MAP4K3: variants seen among roughly 807,000 people sequenced by gnomAD.
MAP4K3 encodes the protein mitogen-activated protein kinase kinase kinase kinase 3, also known as MAPK/ERK kinase kinase kinase 3.
In MAP4K3, 94 loss-of-function variants were observed where a neutral mutation model predicts 143.5. The ratio of observed to expected loss-of-function variants is 0.65; its 90% CI spans 0.55 to 0.78. The LOEUF (loss-of-function observed/expected upper bound fraction) is 0.78. Ranked by LOEUF, MAP4K3 falls within the 30% of genes least tolerant of loss-of-function variation. MAP4K3 has a pLI of 0.00. For missense variants in MAP4K3, 1,077 were observed against 1,068.1 expected, an observed-to-expected ratio of 1.01 and a Z score of -0.12; for synonymous variants, 416 against 347.2, an observed-to-expected ratio of 1.20 and a Z score of -2.20.
chr2:39,286,649 C>G (rs2148472543), intron 21 of MAP4K3, among the ~76,000 whole-genome samples: 1 of 152,152 alleles, frequency 6.6e-6, no homozygotes, highest in African/African-American at 2.4e-5. Context: ...CGATAAAAAG[C>G]CATCATTCAA....
At chr2:39,404,421 G>A (rs899761965) in intron 1 of MAP4K3, among the ~76,000 whole-genome samples, 2 of 152,110 alleles carry the variant, frequency 1.3e-5, no homozygotes, top group African/African-American at 4.8e-5. Context: ...GGTCTTAAGT[G>A]AACATCAGCG....
chr2:39,295,607 T>C (rs1233237807), intron 16 of MAP4K3, among the ~76,000 whole-genome samples: 1 of 152,110 alleles, frequency 6.6e-6, no homozygotes, highest in African/African-American at 2.4e-5. Context: ...CATGACAATC[T>C]TTTTTGAGAT....
At chr2:39,278,576 T>G (rs1681376454) in intron 23 of MAP4K3, 90 bp from the exon 24 acceptor site, 1 of 700,838 alleles carries the variant, frequency 1.4e-6, no homozygotes. Context: ...AAATAAGTAT[T>G]AACATATAAA....
intron 26 of MAP4K3, 69 bp from the exon 27 acceptor site, chr2:39,267,316 T>C (rs192817419): frequency 1.4e-5 from 17 of 1,188,232 alleles, no homozygotes; most frequent in African/African-American, 1.0e-4. Flanking sequence ...GCTACTGTTA[T>C]AGATCAGTGC....
At chr2:39,292,965 T>C (rs1682112521) in intron 17 of MAP4K3, 139 bp from the exon 18 acceptor site, 1 of 764,992 alleles carries the variant, frequency 1.3e-6, no homozygotes, top group South Asian at 1.7e-5. Flanking sequence ...AGATTCAGAA[T>C]TAAAACAAGG....
intron 14 of MAP4K3, 89 bp downstream of exon 14, chr2:39,309,372 T>C (rs1026493720): frequency 6.6e-6 from 6 of 911,094 alleles, no homozygotes; most frequent in Non-Finnish European, 1.0e-5. Context: ...TATTAATGAC[T>C]AGCTTTTTTG....
intron 6 of MAP4K3, among the ~76,000 whole-genome samples, chr2:39,336,594 A>G (rs1196159246): frequency 1.3e-5 from 2 of 152,074 alleles, no homozygotes; most frequent in Non-Finnish European, 2.9e-5. Flanking sequence ...AAATAGTCAA[A>G]GCATAAAACT....
chr2:39,326,059 C>A, intron 9 of MAP4K3, 87 bp downstream of exon 9: 1 of 1,538,480 alleles, frequency 6.5e-7, no homozygotes, highest in Admixed American at 2.0e-5. Flanking sequence ...TAAGGTAAAA[C>A]AAGACTAAGA....
intron 31 of MAP4K3, among the ~76,000 whole-genome samples, chr2:39,254,996 A>G (rs1411770857): frequency 1.3e-5 from 2 of 152,226 alleles, no homozygotes; most frequent in African/African-American, 4.8e-5. Flanking sequence ...TGCTTTAAAT[A>G]AAAACAAATA....
chr2:39,338,604 T>A (rs967755564), intron 4 of MAP4K3, among the ~76,000 whole-genome samples: 2 of 152,214 alleles, frequency 1.3e-5, no homozygotes, highest in Admixed American at 1.3e-4. Context: ...CACCTTTACA[T>A]CAATATATAG....
chr2:39,338,836 G>C (rs1000534161), intron 4 of MAP4K3, among the ~76,000 whole-genome samples: 10 of 152,156 alleles, frequency 6.6e-5, no homozygotes, highest in African/African-American at 2.4e-4. Flanking sequence ...GACACAGTGT[G>C]TGTGCACTCT....
At chr2:39,389,017 A>C (rs1666582265) in intron 1 of MAP4K3, among the ~76,000 whole-genome samples, 1 of 152,218 alleles carries the variant, frequency 6.6e-6, no homozygotes, top group African/African-American at 2.4e-5. Flanking sequence ...TTAGGAATTA[A>C]AAGATATATA....
At chr2:39,371,485 A>C (rs944332030) in intron 2 of MAP4K3, among the ~76,000 whole-genome samples, 4 of 152,166 alleles carry the variant, frequency 2.6e-5, no homozygotes, top group Non-Finnish European at 4.4e-5. Context: ...ATACACGTTG[A>C]ATTTCCCTAA....
intron 4 of MAP4K3, among the ~76,000 whole-genome samples, chr2:39,343,041 T>C (rs1459710402): frequency 6.6e-6 from 1 of 152,176 alleles, no homozygotes; most frequent in Non-Finnish European, 1.5e-5. Context: ...GCAAAATAAA[T>C]TATCTTTGTA....
chr2:39,309,037 A>G (rs986410857), intron 14 of MAP4K3, among the ~76,000 whole-genome samples: 8 of 152,206 alleles, frequency 5.3e-5, no homozygotes, highest in Non-Finnish European at 1.0e-4. Context: ...CTCTTAAAAT[A>G]ATTTTGAAAA....
At chr2:39,301,605 T>C (rs1682513436) in intron 15 of MAP4K3, among the ~76,000 whole-genome samples, 1 of 152,224 alleles carries the variant, frequency 6.6e-6, no homozygotes, top group Admixed American at 6.5e-5. Flanking sequence ...GCCATGGCTC[T>C]TCTGTTATAC....
rs1274212092 is a variant in MAP4K3 at position 39,254,513 on chromosome 2, T to C, written c.2478A>G (p.Leu826=). ...TCCAGAAAGCTAGCACACTGTCTTGTAGGCACACTAGCAGGCAAGAACAGC... is the reference window on the plus strand; with the variant it reads ...TCCAGAAAGCTAGCACACTGTCTTGCAGGCACACTAGCAGGCAAGAACAGC... The part of the protein sequence containing the change: ...FDFQIESIVC[L]QDSVLAFWKH... Residue 826 remains leucine, a synonymous_variant, in exon 32 of 34, where the codon CTA becomes CTG. Coordinates refer to ENST00000263881, the MANE Select transcript of MAP4K3 (RefSeq NM_003618.4). 3.7e-6 allele frequency: 6 copies of C among 1,613,392 alleles called. No homozygotes were observed. The highest frequency in any genetic ancestry group is 1.7e-5 in the Admixed American group (1 of 59,992).
At chr2:39,405,344 T>C (rs1320102275) in intron 1 of MAP4K3, among the ~76,000 whole-genome samples, 1 of 152,244 alleles carries the variant, frequency 6.6e-6, no homozygotes, top group Admixed American at 6.5e-5. Context: ...ACAAGTCTAC[T>C]AGAACTACAG....
intron 8 of MAP4K3, among the ~76,000 whole-genome samples, chr2:39,328,795 T>G (rs1168118811): frequency 2.0e-5 from 3 of 152,146 alleles, no homozygotes; most frequent in Non-Finnish European, 4.4e-5. Flanking sequence ...AAAATGGAAC[T>G]CTAGTAAGTG....
Sources: gnomAD v4.1 joint callset for allele counts (sites outside exome capture counted in the v4.1 genomes callset) on GRCh38, gnomAD v4.1.1 for gene constraint, MANE v1.5 for transcripts, NCBI Gene and HGNC (gene_info 2026-07-23, HGNC 2026-07-21) for gene names.